CDH17: variants seen among roughly 807,000 people sequenced by gnomAD.
CDH17 encodes the protein cadherin 17.
In CDH17, 67 loss-of-function variants were observed where a neutral mutation model predicts 86.3. That is an observed-to-expected ratio of 0.78 (90% CI 0.64 to 0.95). CDH17 has a LOEUF of 0.95. CDH17 is among the 40% of genes least tolerant of loss of function. The pLI, the probability that CDH17 is intolerant of heterozygous loss-of-function variation, is 0.00. For missense variants in CDH17, 993 were observed against 1,017.6 expected (o/e 0.98, Z 0.33); for synonymous variants, 367 against 366.4 (o/e 1.00, Z -0.02).
At chr8:94,131,981 T>C (rs1812430046) in intron 15 of CDH17, among the ~76,000 whole-genome samples, 1 of 152,184 alleles carries the variant, frequency 6.6e-6, no homozygotes, top group East Asian at 1.9e-4. Flanking sequence ...TCCAGCTTCA[T>C]CCATGTCCCT....
At chr8:94,136,948 G>A (rs1220975421) in intron 15 of CDH17, among the ~76,000 whole-genome samples, 1 of 152,170 alleles carries the variant, frequency 6.6e-6, no homozygotes, top group Non-Finnish European at 1.5e-5. Context: ...TATCACCAGT[G>A]GAGGCTGCAG....
chr8:94,204,155 C>G (rs983350745), intron 1 of CDH17, among the ~76,000 whole-genome samples: 4 of 151,908 alleles, frequency 2.6e-5, no homozygotes, highest in African/African-American at 9.7e-5. Flanking sequence ...AAAAATTTTA[C>G]TTTAAGTTCT....
intron 1 of CDH17, among the ~76,000 whole-genome samples, chr8:94,207,002 G>A (rs1814040731): frequency 6.6e-6 from 1 of 152,116 alleles, no homozygotes; most frequent in African/African-American, 2.4e-5. Context: ...CCTTCACCTT[G>A]AACAGTGATG....
chr8:94,183,299 A>G (rs371873934), intron 3 of CDH17, among the ~76,000 whole-genome samples: 2 of 152,166 alleles, frequency 1.3e-5, no homozygotes, highest in East Asian at 1.9e-4. Flanking sequence ...AATAGCCAAC[A>G]ACAAAGTAGG....
At chr8:94,156,009 G>T (rs542074585) in intron 12 of CDH17, among the ~76,000 whole-genome samples, 1 of 152,302 alleles carries the variant, frequency 6.6e-6, no homozygotes, top group East Asian at 1.9e-4. Context: ...GTCCGGCCAC[G>T]TGCATTGTGT....
At chr8:94,199,081 A>AT (rs1419148647) in intron 1 of CDH17, among the ~76,000 whole-genome samples, 24 of 9,834 alleles carry the variant, frequency 2.4e-3, no homozygotes, top group African/African-American at 6.2e-3. Flanking sequence ...ATATATATAT[A>AT]TATTTTTTTT....
At chr8:94,184,145 C>G (rs957416756) in intron 3 of CDH17, among the ~76,000 whole-genome samples, 2 of 151,764 alleles carry the variant, frequency 1.3e-5, no homozygotes, top group Admixed American at 1.3e-4. Flanking sequence ...CTTTGGAGAA[C>G]AGTTTGTGGT....
chr8:94,213,797 C>T (rs956065940), intron 1 of CDH17, among the ~76,000 whole-genome samples: 1 of 152,172 alleles, frequency 6.6e-6, no homozygotes, highest in Non-Finnish European at 1.5e-5. Flanking sequence ...TCACAACTTT[C>T]AACACCATGG....
Position 94,181,718 on chromosome 8 carries a change from G to GA in CDH17, c.151-3998dup, listed in dbSNP as rs796862602. ...CCCAAAGAACCTAATCTTCTACTTA[G>GA]AAAAAAAAAAGAAAAGAAAAACAAG... On this transcript the variant is annotated intron_variant, in intron 3 of 17. Transcript: ENST00000027335. Among the ~76,000 whole-genome samples the GA allele has an allele frequency of 1.3e-3, 183 of 140,368 alleles. 1 individual carries two copies. The highest frequency in any genetic ancestry group is 3.6e-3 in the African/African-American group (137 of 38,308). 92.1% of individuals were successfully genotyped at this position (140,368 alleles called of 152,430 possible). A position where few individuals can be genotyped will look rare whatever the true frequency, so the allele number is the denominator to read the frequency against.
chr8:94,196,532 C>T (rs1813788386), intron 1 of CDH17, among the ~76,000 whole-genome samples: 1 of 152,098 alleles, frequency 6.6e-6, no homozygotes, highest in African/African-American at 2.4e-5. Context: ...TGGCGAGACC[C>T]CCATCTCTAC....
Position 94,173,411 on chromosome 8 carries a change from G to A in CDH17, c.783+386C>T, listed in dbSNP as rs542014232. ...ACCTAACTCTCTTGCTCCCATTGTC[G>A]TCATATGATGCTCCTGCTCCCCCTT... On this transcript the variant is annotated intron_variant, in intron 7 of 17. Coordinates refer to ENST00000027335, the MANE Select transcript of CDH17 (RefSeq NM_004063.4). 1.2e-4 allele frequency among the ~76,000 whole-genome samples: 18 copies of A among 152,184 alleles called. No homozygotes were observed. In the South Asian group the frequency reaches 2.7e-3, roughly 23 times the overall value.
At chr8:94,210,323 C>T (rs1051109308), upstream of CDH17, among the ~76,000 whole-genome samples, 14 of 150,276 alleles carry the variant, frequency 9.3e-5, no homozygotes, top group African/African-American at 3.4e-4. Context: ...AAATGGGGTT[C>T]CTCTGTACAT....
At chr8:94,199,007 C>T (rs1167818528) in intron 1 of CDH17, among the ~76,000 whole-genome samples, 1 of 143,224 alleles carries the variant, frequency 7.0e-6, no homozygotes, top group African/African-American at 2.6e-5. Context: ...GATTTCCAGC[C>T]AGTCTCTTCC....
chr8:94,149,802 T>C (rs990348750), intron 13 of CDH17, among the ~76,000 whole-genome samples: 1 of 152,184 alleles, frequency 6.6e-6, no homozygotes, highest in Non-Finnish European at 1.5e-5. Flanking sequence ...ACGGAGCTCA[T>C]TGGTAGGTGT....
rs764052110 is a variant in CDH17 at position 94,151,987 on chromosome 8, A to G, written c.1677T>C (p.Asp559=). ...GGGAAAATTGAGGTGCTTCATTCAC[A>G]TCTGTCACAATAAGCGTGAACTTGG... The part of the protein sequence containing the change: ...SFAKFTLIVT[D]VNEAPQFSQH... The change falls in exon 13 of 18, where the codon GAT becomes GAC. Residue 559 remains aspartate (D), a synonymous_variant. Transcript: ENST00000027335. 6.8e-6 allele frequency: 11 copies of G among 1,614,196 alleles called. No individual in the cohort carries two copies. In the South Asian group the frequency reaches 1.2e-4, roughly 18 times the overall value.
Position 94,143,361 on chromosome 8 carries a change from T to C in CDH17, c.2167+2567A>G, listed in dbSNP as rs546623679. ...TATGCTGTAAACAGATGTGCTGTCA[T>C]CTGGGCTTTGTTGTTCCATTGACAG... On this transcript the variant is annotated intron_variant, in intron 15 of 17. Transcript: ENST00000027335. Among the ~76,000 whole-genome samples, 15 of 152,352 alleles carry C rather than the reference T, an allele frequency of 9.8e-5. No homozygotes were observed. In the South Asian group the frequency reaches 3.1e-3, roughly 32 times the overall value.
intron 1 of CDH17, among the ~76,000 whole-genome samples, chr8:94,198,776 T>C (rs185773128): frequency 1.3e-5 from 2 of 152,268 alleles, no homozygotes; most frequent in East Asian, 1.9e-4. Context: ...AAATGGACAA[T>C]GGATATTTGC....
At chr8:94,196,810 G>A (rs955542443) in intron 1 of CDH17, among the ~76,000 whole-genome samples, 1 of 152,116 alleles carries the variant, frequency 6.6e-6, no homozygotes, top group East Asian at 1.9e-4. Context: ...TCTGGGGGCC[G>A]GGCATGTTCA....
intron 12 of CDH17, among the ~76,000 whole-genome samples, chr8:94,155,058 C>T (rs559726682): frequency 2.0e-5 from 3 of 151,874 alleles, no homozygotes; most frequent in African/African-American, 7.2e-5. Context: ...TGTGAAGACT[C>T]GGGGTTGAGA....
Sources: gnomAD v4.1 joint callset for allele counts (sites outside exome capture counted in the v4.1 genomes callset) on GRCh38, gnomAD v4.1.1 for gene constraint, MANE v1.5 for transcripts, NCBI Gene and HGNC (gene_info 2026-07-23, HGNC 2026-07-21) for gene names.